CDC6: variants seen among roughly 807,000 people sequenced by gnomAD.
The protein encoded by CDC6 is DNA replication factor CDC6.
CDC6 carries 46 observed loss-of-function variants against 60.2 expected under a neutral mutation model. The observed-to-expected ratio is 0.76, with a 90% CI of 0.60 to 0.98. The LOEUF is 0.98. Among genes scored for constraint, CDC6 ranks in the 50% least tolerant of loss-of-function variants. The pLI, the probability that CDC6 is intolerant of heterozygous loss-of-function variation, is 0.00. For synonymous variants in CDC6, 210 were observed against 233.2 expected (o/e 0.90, Z 0.90); for missense variants, 596 against 652.9 (o/e 0.91, Z 0.95).
chr17:40,296,069 T>G (rs2032855030), intron 8 of CDC6, among the ~76,000 whole-genome samples: 1 of 152,160 alleles, frequency 6.6e-6, no homozygotes, highest in Admixed American at 6.6e-5. Flanking sequence ...GCTTATGGCT[T>G]CCTGTGGGCA....
chr17:40,289,370 CA>C, intron 1 of CDC6, 37 bp from the exon 2 acceptor site: 2 of 1,470,476 alleles, frequency 1.4e-6, no homozygotes, highest in Non-Finnish European at 1.9e-6. Flanking sequence ...TTCACTTTCA[CA>C]TATTGACTAG....
intron 1 of CDC6, among the ~76,000 whole-genome samples, chr17:40,288,609 G>A (rs1413750812): frequency 3.5e-5 from 5 of 144,832 alleles, no homozygotes; most frequent in Admixed American, 3.4e-4. Flanking sequence ...TTTTGAGACG[G>A]AGTCTCGCTC....
chr17:40,294,147 A>G, intron 6 of CDC6, 91 bp downstream of exon 6: 1 of 1,119,996 alleles, frequency 8.9e-7, no homozygotes, highest in Non-Finnish European at 1.4e-6. Flanking sequence ...TTTATCTTAA[A>G]CCAGCTTTCT....
Sources: gnomAD v4.1 joint callset for allele counts (sites outside exome capture counted in the v4.1 genomes callset) on GRCh38, gnomAD v4.1.1 for gene constraint, MANE v1.5 for transcripts, NCBI Gene and HGNC (gene_info 2026-07-23, HGNC 2026-07-21) for gene names.